Variants in CNTN1 observed in about 807,000 individuals in gnomAD.
The protein encoded by CNTN1 is contactin-1.
A neutral mutation model predicts 126.4 loss-of-function variants in CNTN1; 38 were observed. The observed-to-expected ratio is 0.30, with a 90% CI of 0.23 to 0.39. The LOEUF (loss-of-function observed/expected upper bound fraction) is 0.39, where lower values mean the gene tolerates loss of function less well. CNTN1 is among the 10% of genes least tolerant of loss of function. The pLI is 1.00. For synonymous variants in CNTN1, 413 were observed against 422.6 expected (o/e 0.98, Z 0.28); for missense variants, 1,009 against 1,248.4 (o/e 0.81, Z 2.89).
At chr12:40,873,561 AAATGTTCCTGTT>A (rs965785303) in intron 1 of CNTN1, among the ~76,000 whole-genome samples, 1 of 152,176 alleles carries the variant, frequency 6.6e-6, no homozygotes, top group African/African-American at 2.4e-5. Flanking sequence ...TGCTTCTTCC[AAATGTTCCTGTT>A]AAAGTTTTAG....
At chr12:40,811,454 AT>A (rs1406052254) in intron 1 of CNTN1, among the ~76,000 whole-genome samples, 1 of 152,030 alleles carries the variant, frequency 6.6e-6, no homozygotes, top group African/African-American at 2.4e-5. Context: ...CTTCTCTATA[AT>A]TTTTCAAGCT....
intron 1 of CNTN1, among the ~76,000 whole-genome samples, chr12:40,896,923 A>G (rs1350772498): frequency 6.6e-6 from 1 of 152,218 alleles, no homozygotes; most frequent in Non-Finnish European, 1.5e-5. Context: ...TTATTTTCTC[A>G]TTTACAAACT....
intron 16 of CNTN1, among the ~76,000 whole-genome samples, chr12:40,992,897 A>C (rs1014429492): frequency 2.6e-5 from 4 of 152,170 alleles, no homozygotes; most frequent in Admixed American, 1.3e-4. Context: ...AAACTTACTT[A>C]CATAGGTGAT....
At chr12:40,855,118 G>C (rs888129478) in intron 1 of CNTN1, among the ~76,000 whole-genome samples, 3 of 152,100 alleles carry the variant, frequency 2.0e-5, no homozygotes, top group African/African-American at 7.2e-5. Flanking sequence ...GAATACTAGA[G>C]GGTAGTGCAG....
At chr12:40,790,066 A>G (rs1010942746) in intron 1 of CNTN1, among the ~76,000 whole-genome samples, 7 of 152,092 alleles carry the variant, frequency 4.6e-5, no homozygotes, top group Non-Finnish European at 1.0e-4. Flanking sequence ...GCCCAGGGCT[A>G]GTGTTAATAG....
chr12:41,042,939 C>T (rs534306077), intron 23 of CNTN1, among the ~76,000 whole-genome samples: 1 of 152,108 alleles, frequency 6.6e-6, no homozygotes, highest in Non-Finnish European at 1.5e-5. Flanking sequence ...GGAAAACTGG[C>T]TAGCCATATG....
At chr12:40,838,175 C>T (rs1168855313) in intron 1 of CNTN1, among the ~76,000 whole-genome samples, 1 of 152,168 alleles carries the variant, frequency 6.6e-6, no homozygotes, top group Admixed American at 6.5e-5. Flanking sequence ...CCCAATTTAC[C>T]ACTCTGGAAC....
intron 1 of CNTN1, among the ~76,000 whole-genome samples, chr12:40,902,470 C>T (rs1268072233): frequency 6.6e-6 from 1 of 152,138 alleles, no homozygotes; most frequent in African/African-American, 2.4e-5. Flanking sequence ...TGTTGTTCAA[C>T]ATCAAATTTT....
intron 3 of CNTN1, among the ~76,000 whole-genome samples, chr12:40,914,538 G>A (rs188175404): frequency 6.6e-6 from 1 of 152,206 alleles, no homozygotes; most frequent in East Asian, 1.9e-4. Context: ...AAAGCAAGAA[G>A]AATATAGTTA....
rs1387051091 is a variant in CNTN1 at position 40,778,774 on chromosome 12, T to C, written c.-77+86182T>C. Among the ~76,000 whole-genome samples the C allele has an allele frequency of 1.2e-4, 18 of 151,956 alleles. No homozygotes were observed. In the South Asian group the frequency reaches 1.5e-3, roughly 12 times the overall value. On this transcript the variant is annotated intron_variant, in intron 1 of 23. Coordinates refer to ENST00000551295, the MANE Select transcript of CNTN1 (RefSeq NM_001843.4). ...CATAGAAAATATTTCCTATAAGAAA[T>C]TGGCTCTCAACGACTGATTGTTTTG...
At position 41,069,955 on chromosome 12, in the gene CNTN1, G is replaced by A. The variant is rs1333737063; in HGVS notation, c.2981-4G>A. Reference sequence around the variant, plus strand: ...AATATGCACACTTTTGGTTTACCTTGCAGGTGCACCCACCCTATCCCCAAG... The same window carrying A: ...AATATGCACACTTTTGGTTTACCTTACAGGTGCACCCACCCTATCCCCAAG... On this transcript the variant is annotated splice_region_variant and splice_polypyrimidine_tract_variant and intron_variant, in intron 23 of 23. Transcript: ENST00000551295. 4.3e-6 allele frequency: 7 copies of A among 1,613,164 alleles called. No homozygotes were observed. The highest frequency in any genetic ancestry group is 4.0e-5 in the African/African-American group (3 of 74,848).
intron 1 of CNTN1, among the ~76,000 whole-genome samples, chr12:40,797,979 G>A (rs1237434162): frequency 1.3e-5 from 2 of 151,950 alleles, no homozygotes; most frequent in African/African-American, 2.4e-5. Context: ...ATATATACCC[G>A]AGTGTAATAT....
intron 1 of CNTN1, among the ~76,000 whole-genome samples, chr12:40,852,657 GA>G (rs1220326680): frequency 2.6e-5 from 4 of 151,704 alleles, no homozygotes; most frequent in African/African-American, 4.8e-5. Flanking sequence ...TGATGTCATA[GA>G]AATGAGGAAG....
At position 40,993,321 on chromosome 12, in the gene CNTN1, C is replaced by T. The variant is rs762203665; in HGVS notation, c.2113+52C>T. ...TTTAAAAGATTTCTAAATACAGTGC[C>T]ACTTTCATATATGGTTGAATGTATT... On this transcript the variant is annotated intron_variant, in intron 17 of 23. Coordinates refer to ENST00000551295, the MANE Select transcript of CNTN1 (RefSeq NM_001843.4). 3.0e-5 allele frequency: 43 copies of T among 1,434,742 alleles called. 2 individuals carry two copies. In the South Asian group the frequency reaches 5.0e-4, roughly 17 times the overall value. 88.9% of individuals were successfully genotyped at this position (1,434,742 alleles called of 1,614,324 possible).
chr12:40,828,308 C>T (rs1422626073), intron 1 of CNTN1: 1 of 152,038 alleles, frequency 6.6e-6, no homozygotes, highest in East Asian at 1.9e-4. Flanking sequence ...TAAGGTAAGT[C>T]CAAGGTTTTT....
intron 1 of CNTN1, among the ~76,000 whole-genome samples, chr12:40,863,370 C>A (rs1283765891): frequency 6.6e-6 from 1 of 152,082 alleles, no homozygotes; most frequent in Non-Finnish European, 1.5e-5. Flanking sequence ...CTGTATTAGA[C>A]AGAATAGGCT....
intron 12 of CNTN1, among the ~76,000 whole-genome samples, chr12:40,941,523 T>G (rs924886455): frequency 6.6e-6 from 1 of 152,168 alleles, no homozygotes; most frequent in African/African-American, 2.4e-5. Flanking sequence ...GAAGAAGCTA[T>G]GTATCTTGAT....
At chr12:40,943,918 G>C in intron 13 of CNTN1, 77 bp from the exon 14 acceptor site, 4 of 1,417,282 alleles carry the variant, frequency 2.8e-6, no homozygotes, top group Non-Finnish European at 3.9e-6. Context: ...AAAATATATT[G>C]GTTATTATTT....
At chr12:40,874,421 T>C (rs551657281) in intron 1 of CNTN1, among the ~76,000 whole-genome samples, 20 of 152,170 alleles carry the variant, frequency 1.3e-4, no homozygotes, top group Non-Finnish European at 1.3e-4. Context: ...ATTTTGTAGC[T>C]CAGTATTTAT....
Sources: gnomAD v4.1 joint callset for allele counts (sites outside exome capture counted in the v4.1 genomes callset) on GRCh38, gnomAD v4.1.1 for gene constraint, MANE v1.5 for transcripts, NCBI Gene and HGNC (gene_info 2026-07-23, HGNC 2026-07-21) for gene names.